The following GPC3 variants were observed in gnomAD, a reference collection of about 807,000 sequenced individuals.
The protein encoded by GPC3 is glypican-3.
In GPC3, 3 loss-of-function variants were observed where a neutral mutation model predicts 34.4. That is an observed-to-expected ratio of 0.09 (90% CI 0.04 to 0.23). The LOEUF is 0.23. Among genes scored for constraint, GPC3 ranks in the 10% least tolerant of loss-of-function variants. The pLI is 1.00. For synonymous variants in GPC3, 177 were observed against 174.0 expected (o/e 1.02, Z -0.13); for missense variants, 351 against 445.6 (o/e 0.79, Z 1.91).
At chrX:133,654,586 C>A (rs1017978645) in intron 6 of GPC3, among the ~76,000 whole-genome samples, 8 of 110,251 alleles carry the variant, frequency 7.3e-5, no homozygotes, top group African/African-American at 2.7e-4. Flanking sequence ...GTGGTGGGTA[C>A]CTGTAATCCC....
intron 2 of GPC3, among the ~76,000 whole-genome samples, chrX:133,791,236 C>T (rs1385794661): frequency 9.0e-6 from 1 of 111,526 alleles, no homozygotes; most frequent in African/African-American, 3.3e-5. Flanking sequence ...AGCAAGTGAC[C>T]TAATGCTGCA....
At chrX:133,930,737 G>A (rs2076294819) in intron 2 of GPC3, among the ~76,000 whole-genome samples, 2 of 112,087 alleles carry the variant, frequency 1.8e-5, no homozygotes, top group Non-Finnish European at 3.8e-5. Flanking sequence ...ATGGGTTCAA[G>A]CGATTCTCCT....
At chrX:133,662,784 T>C in intron 5 of GPC3, among the ~76,000 whole-genome samples, 1 of 112,094 alleles carries the variant, frequency 8.9e-6, no homozygotes, top group East Asian at 2.8e-4. Context: ...AGCTCTTTTT[T>C]ACTTGCTCCT....
chrX:133,781,200 C>T (rs942706672), intron 2 of GPC3, among the ~76,000 whole-genome samples: 17 of 112,293 alleles, frequency 1.5e-4, no homozygotes, highest in African/African-American at 5.5e-4. Context: ...GAAGAGTTCT[C>T]TGGCAACACA....
At chrX:133,815,471 T>C (rs900976608) in intron 2 of GPC3, among the ~76,000 whole-genome samples, 3 of 109,445 alleles carry the variant, frequency 2.7e-5, no homozygotes, top group Admixed American at 9.8e-5. Flanking sequence ...GGAGTCAGGT[T>C]TGTTTTTGTT....
At chrX:133,983,139 C>T (rs910002312) in intron 1 of GPC3, among the ~76,000 whole-genome samples, 1 of 111,883 alleles carries the variant, frequency 8.9e-6, no homozygotes, top group Non-Finnish European at 1.9e-5. Context: ...TGGGGATCAC[C>T]ATATTTGAAG....
chrX:133,570,183 G>A (rs775852031), intron 7 of GPC3, among the ~76,000 whole-genome samples: 45 of 109,387 alleles, frequency 4.1e-4, no homozygotes, highest in Admixed American at 9.6e-5. Flanking sequence ...GAGCCACCGC[G>A]CCCGGCCTGT....
intron 2 of GPC3, among the ~76,000 whole-genome samples, chrX:133,952,268 A>G (rs1274125464): frequency 9.0e-6 from 1 of 111,200 alleles, no homozygotes; most frequent in Non-Finnish European, 1.9e-5. Flanking sequence ...CATCGACAAA[A>G]TAAGGATACT....
chrX:133,828,601 A>G (rs1444468915), intron 2 of GPC3, among the ~76,000 whole-genome samples: 1 of 111,973 alleles, frequency 8.9e-6, no homozygotes, highest in Non-Finnish European at 1.9e-5. Flanking sequence ...AAAGTCTCCA[A>G]TTAATCTCAC....
At chrX:133,571,006 G>A in intron 7 of GPC3, among the ~76,000 whole-genome samples, 1 of 111,814 alleles carries the variant, frequency 8.9e-6, no homozygotes. Flanking sequence ...ATACATATGT[G>A]TATGGCATAA....
At chrX:133,621,759 T>A (rs1013492673) in intron 6 of GPC3, among the ~76,000 whole-genome samples, 1 of 112,268 alleles carries the variant, frequency 8.9e-6, no homozygotes, top group Non-Finnish European at 1.9e-5. Context: ...AGCAGAAAGT[T>A]CTGCAGAGTT....
At position 133,753,465 on chromosome X, in the gene GPC3, T is replaced by C. The variant is rs1176853898; in HGVS notation, c.1032+17A>G. On this transcript the variant is annotated intron_variant, in intron 3 of 7. Transcript: ENST00000370818. ...AATAAGGCCCAAATCCTCTGACAAC[T>C]GTAGACTGGTACTCACAGTGGTGGT... 1 of 1,171,771 alleles carries C rather than the reference T, an allele frequency of 8.5e-7. No homozygotes were observed. Among genetic ancestry groups the C allele is most frequent in the African/African-American group, 1.8e-5 (1 of 56,300 alleles).
At position 133,565,712 on chromosome X, in the gene GPC3, G is replaced by A. The variant is rs750739821; in HGVS notation, c.1574-29419C>T. On this transcript the variant is annotated intron_variant, in intron 7 of 7. Transcript: ENST00000370818. ...AGGTCCTCATGAACAATGGTTAAAGGGCTCATCCCCAAAGGACTTTTGTAA... is the reference window on the plus strand; with the variant it reads ...AGGTCCTCATGAACAATGGTTAAAGAGCTCATCCCCAAAGGACTTTTGTAA... 5.8e-4 allele frequency among the ~76,000 whole-genome samples: 65 copies of A among 112,298 alleles called. 1 individual carries two copies. The South Asian group carries it at 0.024, about 41-fold the overall frequency.
intron 7 of GPC3, among the ~76,000 whole-genome samples, chrX:133,590,705 C>T (rs1428668808): frequency 9.0e-6 from 1 of 111,279 alleles, no homozygotes; most frequent in Non-Finnish European, 1.9e-5. Context: ...GGTAAGAAGC[C>T]CAGCTTGCCA....
chrX:133,924,826 G>A (rs1303990787), intron 2 of GPC3, among the ~76,000 whole-genome samples: 1 of 111,539 alleles, frequency 9.0e-6, no homozygotes, highest in Non-Finnish European at 1.9e-5. Context: ...CTGAATGAAT[G>A]GGAAGGAGAG....
At chrX:133,937,940 A>G (rs1001305342) in intron 2 of GPC3, among the ~76,000 whole-genome samples, 3 of 111,971 alleles carry the variant, frequency 2.7e-5, no homozygotes, top group Admixed American at 9.5e-5. Flanking sequence ...TATAGATCCA[A>G]TGATCATCTC....
At chrX:133,867,253 G>A (rs1214726986) in intron 2 of GPC3, among the ~76,000 whole-genome samples, 2 of 110,507 alleles carry the variant, frequency 1.8e-5, no homozygotes, top group Non-Finnish European at 3.8e-5. Context: ...ATGGCTGAGT[G>A]GCTCCCAGGA....
intron 7 of GPC3, among the ~76,000 whole-genome samples, chrX:133,594,586 A>G (rs1276646153): frequency 8.9e-6 from 1 of 111,774 alleles, no homozygotes; most frequent in Non-Finnish European, 1.9e-5. Context: ...GAACCTTGAG[A>G]AAATTATGCT....
chrX:133,669,329 G>T (rs1024716525), intron 5 of GPC3, among the ~76,000 whole-genome samples: 1 of 112,554 alleles, frequency 8.9e-6, no homozygotes, highest in Non-Finnish European at 1.9e-5. Context: ...CCCTGCCTTT[G>T]TCATCTTGGC....
Sources: gnomAD v4.1 joint callset for allele counts (sites outside exome capture counted in the v4.1 genomes callset) on GRCh38, gnomAD v4.1.1 for gene constraint, MANE v1.5 for transcripts, NCBI Gene and HGNC (gene_info 2026-07-23, HGNC 2026-07-21) for gene names.